ABLIM2: variants seen among roughly 807,000 people sequenced by gnomAD.
The protein encoded by ABLIM2 is actin-binding LIM protein 2.
Under a neutral mutation model 97.7 loss-of-function variants are expected in ABLIM2, and 53 were observed. The observed-to-expected ratio is 0.54, with a 90% confidence interval of 0.44 to 0.68. The LOEUF (loss-of-function observed/expected upper bound fraction) is 0.68, where lower values mean the gene tolerates loss of function less well. Among genes scored for constraint, ABLIM2 ranks in the 30% least tolerant of loss-of-function variants. ABLIM2 has a pLI of 0.00. For synonymous variants in ABLIM2, 361 were observed against 345.8 expected, an observed-to-expected ratio of 1.04 and a Z score of -0.49; for missense variants, 835 against 867.2, an observed-to-expected ratio of 0.96 and a Z score of 0.47.
chr4:8,036,356 C>T (rs924488750), intron 9 of ABLIM2, 61 bp from the exon 10 acceptor site: 1 of 1,576,950 alleles, frequency 6.3e-7, no homozygotes, highest in Non-Finnish European at 8.6e-7. Flanking sequence ...GAGGGCAGCA[C>T]CCCCAAAGCC....
At chr4:7,972,679 T>C (rs1430319704) in intron 20 of ABLIM2, among the ~76,000 whole-genome samples, 4 of 152,194 alleles carry the variant, frequency 2.6e-5, no homozygotes, top group Non-Finnish European at 5.9e-5. Context: ...CCCGCCACTG[T>C]CCTGGCCTAC....
intron 18 of ABLIM2, among the ~76,000 whole-genome samples, chr4:7,984,579 G>A (rs935913981): frequency 1.3e-5 from 2 of 152,264 alleles, no homozygotes; most frequent in African/African-American, 2.4e-5. Context: ...GTGACACAGA[G>A]TGCCATACAA....
At chr4:8,100,677 C>T (rs750416526) in intron 2 of ABLIM2, among the ~76,000 whole-genome samples, 11 of 140,918 alleles carry the variant, frequency 7.8e-5, no homozygotes, top group East Asian at 2.2e-4. Context: ...ACCTGGAAGG[C>T]GGAGATTGCG....
chr4:8,158,612 C>T, intron 1 of ABLIM2, 68 bp downstream of exon 1: 2 of 1,496,870 alleles, frequency 1.3e-6, no homozygotes, highest in Non-Finnish European at 1.8e-6. Context: ...CCTCCGAATG[C>T]CACCCAGCCC....
At chr4:8,094,550 G>GAA (rs1457202091) in intron 3 of ABLIM2, among the ~76,000 whole-genome samples, 1 of 152,202 alleles carries the variant, frequency 6.6e-6, no homozygotes, top group African/African-American at 2.4e-5. Context: ...GAACAGAACA[G>GAA]GACAGGGATT....
Position 8,054,935 on chromosome 4 carries a change from C to T in ABLIM2, c.764-689G>A, listed in dbSNP as rs1001482055. On this transcript the variant is annotated intron_variant, in intron 7 of 20. Transcript: ENST00000447017. This position sits in a 1 kb window ranked among gnomAD's most constrained non-coding sequence, Gnocchi z 4.9. ...GTCAGTTCTGCCCAGTCACCCATGT[C>T]AACAGCCACTACCATCAACATAACA... Among the ~76,000 whole-genome samples the T allele has an allele frequency of 6.6e-6, 1 of 152,096 alleles. No individual in the cohort carries two copies. Among genetic ancestry groups the T allele is most frequent in the Non-Finnish European group, 1.5e-5 (1 of 68,016 alleles).
chr4:8,058,574 C>T lies in ABLIM2; in HGVS notation c.763+2393G>A, dbSNP rs1484574041. Reference sequence around the variant, plus strand: ...GAAGTCACAATAGCAGACCTGTCCTCGCCGGGGCCCCTATGCCCCGTCCAA... The same window carrying T: ...GAAGTCACAATAGCAGACCTGTCCTTGCCGGGGCCCCTATGCCCCGTCCAA... On this transcript the variant is annotated intron_variant, in intron 7 of 20. Transcript: ENST00000447017. The surrounding 1 kb of genome is among the most constrained non-coding windows in gnomAD (Gnocchi z 4.2). Among the ~76,000 whole-genome samples, 2 of 152,198 alleles carry T rather than the reference C, an allele frequency of 1.3e-5. No individual in the cohort carries two copies. Among genetic ancestry groups the T allele is most frequent in the Admixed American group, 6.5e-5 (1 of 15,286 alleles).
At chr4:8,143,742 C>T (rs998692513) in intron 1 of ABLIM2, among the ~76,000 whole-genome samples, 4 of 152,170 alleles carry the variant, frequency 2.6e-5, no homozygotes, top group African/African-American at 9.7e-5. Context: ...AGAACTGCCT[C>T]CAGTGCCCAG....
At chr4:8,111,784 G>T (rs1375226558) in intron 1 of ABLIM2, among the ~76,000 whole-genome samples, 1 of 151,886 alleles carries the variant, frequency 6.6e-6, no homozygotes, top group Non-Finnish European at 1.5e-5. Flanking sequence ...AAATTAGCCG[G>T]GTGTGGTGGT....
chr4:8,157,955 C>T (rs976795954), intron 1 of ABLIM2, among the ~76,000 whole-genome samples: 7 of 152,278 alleles, frequency 4.6e-5, no homozygotes, highest in African/African-American at 1.7e-4. Context: ...CAGGGCTCAC[C>T]GCCAAGGGCT....
At position 8,069,258 on chromosome 4, in the gene ABLIM2, G is replaced by A. The variant is rs555161441; in HGVS notation, c.676-8204C>T. Among the ~76,000 whole-genome samples the A allele has an allele frequency of 3.3e-5, 5 of 152,384 alleles. No individual in the cohort carries two copies. The highest frequency in any genetic ancestry group is 3.9e-4 in the East Asian group (2 of 5,190). Reference sequence around the variant, plus strand: ...GGCAGACGAGCCGTCCAGTGGGGACGTTCTGAACAAGGCAACACGGTGCCC... The same window carrying A: ...GGCAGACGAGCCGTCCAGTGGGGACATTCTGAACAAGGCAACACGGTGCCC... On this transcript the variant is annotated intron_variant, in intron 6 of 20. Transcript: ENST00000447017. This position sits in a 1 kb window ranked among gnomAD's most constrained non-coding sequence, Gnocchi z 4.2.
chr4:8,115,798 A>G lies in ABLIM2; in HGVS notation c.11-9161T>C, dbSNP rs111675435. ...GGACCTCTGCAACTGCTTTGACCAA[A>G]AGGATATGACAGAAAAGACACCAGG... On this transcript the variant is annotated intron_variant, in intron 1 of 20. Coordinates refer to ENST00000447017, the MANE Select transcript of ABLIM2 (RefSeq NM_001130083.2). Among the ~76,000 whole-genome samples, 1,240 of 152,240 alleles carry G rather than the reference A, an allele frequency of 8.1e-3. 18 individuals are homozygous for G. Among genetic ancestry groups the G allele is most frequent in the African/African-American group, 0.028 (1,172 of 41,538 alleles).
chr4:8,126,806 C>T (rs1403715872), intron 1 of ABLIM2, among the ~76,000 whole-genome samples: 1 of 152,030 alleles, frequency 6.6e-6, no homozygotes, highest in East Asian at 1.9e-4. Context: ...TGGCTCACAC[C>T]TGTAATCCCA....
intron 14 of ABLIM2, among the ~76,000 whole-genome samples, chr4:8,010,115 T>C (rs1443002113): frequency 6.6e-6 from 1 of 152,216 alleles, no homozygotes; most frequent in Non-Finnish European, 1.5e-5. Flanking sequence ...AAAAGTTCAT[T>C]TTGCAACAGT....
Position 8,087,838 on chromosome 4 carries a change from C to T in ABLIM2, c.454+331G>A, listed in dbSNP as rs907595215. On this transcript the variant is annotated intron_variant, in intron 4 of 20. Transcript: ENST00000447017. The surrounding 1 kb of genome is among the most constrained non-coding windows in gnomAD (Gnocchi z 4.6). ...GGAAACAGCCAGTGCAAAGACTTGGCGGCACGAGAGCCCCAGAAACTTCCA... is the reference window on the plus strand; with the variant it reads ...GGAAACAGCCAGTGCAAAGACTTGGTGGCACGAGAGCCCCAGAAACTTCCA... 6.6e-6 allele frequency among the ~76,000 whole-genome samples: 1 copy of T among 151,970 alleles called. No homozygotes were observed. Among genetic ancestry groups the T allele is most frequent in the Non-Finnish European group, 1.5e-5 (1 of 67,982 alleles).
At position 8,130,282 on chromosome 4, in the gene ABLIM2, C is replaced by T. The variant is rs544379316; in HGVS notation, c.11-23645G>A. 6.6e-5 allele frequency among the ~76,000 whole-genome samples: 10 copies of T among 152,298 alleles called. No individual in the cohort carries two copies. The highest frequency in any genetic ancestry group is 6.2e-4 in the South Asian group (3 of 4,822). On this transcript the variant is annotated intron_variant, in intron 1 of 20. Coordinates refer to ENST00000447017, the MANE Select transcript of ABLIM2 (RefSeq NM_001130083.2). This position sits in a 1 kb window ranked among gnomAD's most constrained non-coding sequence, Gnocchi z 4.2. ...GCCCGGCCGCATCTGTCACCAGTTCCGGGATGGCCCATGCTGGGAAACATC... is the reference window on the plus strand; with the variant it reads ...GCCCGGCCGCATCTGTCACCAGTTCTGGGATGGCCCATGCTGGGAAACATC...
rs952730377 is a variant in ABLIM2 at position 8,075,122 on chromosome 4, C to T, written c.675+2506G>A. ...CTGAGAGTCATGATGAAATATGATG[C>T]GAGAGTAAAGCTTATGTCCGAACGA... On this transcript the variant is annotated intron_variant, in intron 6 of 20. Coordinates refer to ENST00000447017, the MANE Select transcript of ABLIM2 (RefSeq NM_001130083.2). This position sits in a 1 kb window ranked among gnomAD's most constrained non-coding sequence, Gnocchi z 4.4. 4.6e-5 allele frequency among the ~76,000 whole-genome samples: 7 copies of T among 152,076 alleles called. No individual in the cohort carries two copies. The highest frequency in any genetic ancestry group is 1.4e-4 in the African/African-American group (6 of 41,404).
chr4:8,133,849 C>A (rs921292129), intron 1 of ABLIM2, among the ~76,000 whole-genome samples: 2 of 152,238 alleles, frequency 1.3e-5, no homozygotes, highest in African/African-American at 4.8e-5. Flanking sequence ...GCTAGTTAGG[C>A]AGTGTCCCTG....
chr4:7,984,342 G>A (rs192127188), intron 18 of ABLIM2, among the ~76,000 whole-genome samples: 138 of 152,298 alleles, frequency 9.1e-4, no homozygotes, highest in African/African-American at 3.2e-3. Context: ...CCCGCCACTC[G>A]CGGGCACAGA....
Sources: gnomAD v4.1 joint callset for allele counts (sites outside exome capture counted in the v4.1 genomes callset) on GRCh38, gnomAD v4.1.1 for gene constraint, Gnocchi (gnomAD v3.1) non-coding constraint, MANE v1.5 for transcripts, NCBI Gene and HGNC (gene_info 2026-07-23, HGNC 2026-07-21) for gene names.